Variants in PPM1H observed in about 807,000 individuals in gnomAD.
The protein encoded by PPM1H is protein phosphatase 1H.
A neutral mutation model predicts 54.9 loss-of-function variants in PPM1H; 27 were observed. The ratio of observed to expected loss-of-function variants is 0.49; its 90% CI spans 0.36 to 0.68. The LOEUF (loss-of-function observed/expected upper bound fraction) is 0.68. Ranked by LOEUF, PPM1H falls within the 30% of genes least tolerant of loss-of-function variation. PPM1H has a pLI of 0.00. For missense variants in PPM1H, 596 were observed against 667.8 expected (o/e 0.89, Z 1.19); for synonymous variants, 305 against 270.8 (o/e 1.13, Z -1.24).
intron 8 of PPM1H, among the ~76,000 whole-genome samples, chr12:62,670,267 G>A (rs968494148): frequency 1.4e-4 from 21 of 151,984 alleles, no homozygotes; most frequent in African/African-American, 2.7e-4. Context: ...ATGAGCCACC[G>A]CGCCTGGCCG....
At chr12:62,929,064 G>T (rs552036636) in intron 1 of PPM1H, among the ~76,000 whole-genome samples, 10 of 152,146 alleles carry the variant, frequency 6.6e-5, no homozygotes, top group Non-Finnish European at 1.3e-4. Context: ...CAAATACTGA[G>T]ATTTAAAATT....
chr12:62,770,569 T>C (rs1227871612), intron 4 of PPM1H, among the ~76,000 whole-genome samples: 3 of 151,992 alleles, frequency 2.0e-5, no homozygotes. Flanking sequence ...AGATGATCTA[T>C]TAACATTGAG....
At chr12:62,876,544 T>C (rs11174704) in intron 1 of PPM1H, among the ~76,000 whole-genome samples, 77,432 of 152,072 alleles carry the variant, frequency 0.51, 19,915 homozygotes, top group Middle Eastern at 0.62. Flanking sequence ...ACGAGGATGT[T>C]CAACTTAGGA....
intron 1 of PPM1H, among the ~76,000 whole-genome samples, chr12:62,892,853 T>TA (rs34675123): frequency 0.12 from 18,143 of 152,196 alleles, 3,194 homozygotes; most frequent in African/African-American, 0.38. Context: ...TTAATTTATG[T>TA]AAAAAAATCA....
intron 1 of PPM1H, among the ~76,000 whole-genome samples, chr12:62,896,365 A>C (rs1870987675): frequency 1.3e-5 from 2 of 152,240 alleles, no homozygotes; most frequent in Admixed American, 1.3e-4. Context: ...CAAAGGGCTA[A>C]TATCCAGAAC....
chr12:62,875,347 T>C (rs1870122351), intron 1 of PPM1H, among the ~76,000 whole-genome samples: 1 of 152,166 alleles, frequency 6.6e-6, no homozygotes, highest in Non-Finnish European at 1.5e-5. Flanking sequence ...TGGAAACCAG[T>C]GAGCTTGCTC....
At chr12:62,730,250 G>A (rs1471048613) in intron 5 of PPM1H, among the ~76,000 whole-genome samples, 1 of 152,136 alleles carries the variant, frequency 6.6e-6, no homozygotes, top group Admixed American at 6.5e-5. Context: ...TTCACATGGA[G>A]GCACATGGAA....
chr12:62,860,484 A>T (rs2120968273), intron 1 of PPM1H, among the ~76,000 whole-genome samples: 1 of 152,290 alleles, frequency 6.6e-6, no homozygotes, highest in African/African-American at 2.4e-5. Context: ...AACAGGCACA[A>T]AGCTCTATGT....
chr12:62,926,890 G>A (rs1871986316), intron 1 of PPM1H, among the ~76,000 whole-genome samples: 1 of 152,188 alleles, frequency 6.6e-6, no homozygotes, highest in South Asian at 2.1e-4. Flanking sequence ...GGAGGCGGAG[G>A]TTGCAGTGAG....
At chr12:62,849,433 T>C (rs538724210) in intron 1 of PPM1H, among the ~76,000 whole-genome samples, 150 of 152,330 alleles carry the variant, frequency 9.8e-4, no homozygotes, top group African/African-American at 3.4e-3. Flanking sequence ...TGGGGTCAGA[T>C]AGCCATTGGG....
chr12:62,670,188 G>A (rs2075949095), intron 8 of PPM1H, among the ~76,000 whole-genome samples: 1 of 151,730 alleles, frequency 6.6e-6, no homozygotes, highest in Non-Finnish European at 1.5e-5. Context: ...TGCTGGTCAG[G>A]CTGGTCTCGA....
intron 8 of PPM1H, among the ~76,000 whole-genome samples, chr12:62,680,982 T>C (rs2076016343): frequency 6.6e-6 from 1 of 152,198 alleles, no homozygotes; most frequent in South Asian, 2.1e-4. Flanking sequence ...TTCCAGCAGG[T>C]AAATACTAGG....
intron 8 of PPM1H, among the ~76,000 whole-genome samples, chr12:62,684,709 A>T (rs893041395): frequency 6.6e-6 from 1 of 152,196 alleles, no homozygotes. Flanking sequence ...CCTGGCAAAG[A>T]CAGAACATAG....
chr12:62,818,588 T>C (rs1056627254), intron 2 of PPM1H, among the ~76,000 whole-genome samples: 10 of 152,078 alleles, frequency 6.6e-5, no homozygotes, highest in Admixed American at 2.6e-4. Flanking sequence ...TGGCCACCCA[T>C]CCTGTTTCCA....
intron 2 of PPM1H, among the ~76,000 whole-genome samples, chr12:62,813,509 G>T (rs1413099109): frequency 6.6e-6 from 1 of 152,104 alleles, no homozygotes; most frequent in African/African-American, 2.4e-5. Context: ...CCATTGCAGG[G>T]GACCTGTGCC....
intron 4 of PPM1H, among the ~76,000 whole-genome samples, chr12:62,777,967 G>A (rs2076621013): frequency 6.6e-6 from 1 of 152,106 alleles, no homozygotes; most frequent in African/African-American, 2.4e-5. Flanking sequence ...AGTGGATCTT[G>A]GAGAAGAAAA....
intron 5 of PPM1H, among the ~76,000 whole-genome samples, 159 bp from the exon 6 acceptor site, chr12:62,720,448 T>C (rs1565767906): frequency 6.6e-6 from 1 of 152,210 alleles, no homozygotes; most frequent in African/African-American, 2.4e-5. Context: ...TAAACACTAA[T>C]AGAAGACGAG....
At chr12:62,804,401 G>C (rs1368167618) in intron 2 of PPM1H, among the ~76,000 whole-genome samples, 3 of 151,450 alleles carry the variant, frequency 2.0e-5, no homozygotes, top group Admixed American at 1.3e-4. Flanking sequence ...TCCTGGCTTT[G>C]AGCAATTTGA....
At chr12:62,840,070 A>C (rs1868679193) in intron 1 of PPM1H, 1 of 151,298 alleles carries the variant, frequency 6.6e-6, no homozygotes, top group African/African-American at 2.5e-5. Context: ...AGAGAGAGAG[A>C]GAGAGAGAGA....
Sources: allele counts gnomAD v4.1 joint callset (sites outside exome capture counted in the v4.1 genomes callset), GRCh38; gene constraint gnomAD v4.1.1; transcripts MANE v1.5; gene names NCBI Gene and HGNC (gene_info 2026-07-23, HGNC 2026-07-21).